Variants in MPP2 observed in about 807,000 individuals in gnomAD.
The protein encoded by MPP2 is MAGUK p55 subfamily member 2.
MPP2 carries 42 observed loss-of-function variants against 58.5 expected under a neutral mutation model. That is an observed-to-expected ratio of 0.72 (90% confidence interval 0.56 to 0.93). The LOEUF (loss-of-function observed/expected upper bound fraction) is 0.93, where lower values mean the gene tolerates loss of function less well. Among genes scored for constraint, MPP2 ranks in the 40% least tolerant of loss-of-function variants. The pLI is 0.00. For missense variants in MPP2, 632 were observed against 760.4 expected (o/e 0.83, Z 1.99); for synonymous variants, 300 against 307.8 (o/e 0.97, Z 0.26).
chr17:43,900,019 G>C (rs1460736758), intron 2 of MPP2, among the ~76,000 whole-genome samples: 2 of 152,230 alleles, frequency 1.3e-5, no homozygotes, highest in African/African-American at 2.4e-5. Context: ...GCTCTTGTCA[G>C]TGCCCCCCTC....
chr17:43,880,591 GC>G lies in MPP2; in HGVS notation c.1150+99del, dbSNP rs2047064298. On this transcript the variant is annotated intron_variant, in intron 10 of 12. Coordinates refer to ENST00000269095, the MANE Select transcript of MPP2 (RefSeq NM_005374.5). This position sits in a 1 kb window ranked among gnomAD's most constrained non-coding sequence, Gnocchi z 5.2. ...CCCGTGTACCCAAAGGTACCACCTG[GC>G]CTGGTGCCCATGAAGATGCCCATTC... 3 of 1,380,132 alleles carry G rather than the reference GC, an allele frequency of 2.2e-6. No homozygotes were observed. In the African/African-American group the frequency reaches 4.3e-5, roughly 20 times the overall value. 85.5% of individuals were successfully genotyped at this position (1,380,132 alleles called of 1,614,324 possible). A position where few individuals can be genotyped will look rare whatever the true frequency, so the allele number is the denominator to read the frequency against.
At chr17:43,881,043 C>G (rs369615449) in intron 9 of MPP2, 47 bp downstream of exon 9, 1 of 1,600,094 alleles carries the variant, frequency 6.2e-7, no homozygotes, top group African/African-American at 1.3e-5. Flanking sequence ...CAGGGAAAGG[C>G]ATGCCATGTT....
intron 6 of MPP2, among the ~76,000 whole-genome samples, 154 bp from the exon 7 acceptor site, chr17:43,881,743 C>A (rs1286317200): frequency 6.6e-6 from 1 of 152,184 alleles, no homozygotes; most frequent in Admixed American, 6.5e-5. Flanking sequence ...ATGCTCCTCC[C>A]TGGTGCCAAC....
Position 43,879,324 on chromosome 17 carries a change from G to T in MPP2, c.1433C>A (p.Ala478Asp), listed in dbSNP as rs753912771. Residue 478 changes from alanine to aspartate, a missense_variant, in exon 12 of 13, where the codon GCC becomes GAC. Transcript: ENST00000269095. The surrounding 1 kb of genome is among the most constrained non-coding windows in gnomAD (Gnocchi z 4.1). ...ACTCTCCAGCGCAGCCCTGTTCATG[G>T]CCCGCAGGGTCTCGAAGTCTGGGGC... ...IEAPDFETLR[A>D]MNRAALESGI... is the part of the protein sequence containing the mutation. 6.2e-6 allele frequency: 10 copies of T among 1,614,158 alleles called. No homozygotes were observed. Among genetic ancestry groups the T allele is most frequent in the Non-Finnish European group, 8.5e-6 (10 of 1,180,010 alleles).
rs571726206 is a variant in MPP2 at position 43,877,791 on chromosome 17, G to A, written c.*16C>T. On this transcript the variant is annotated 3_prime_UTR_variant, in exon 13 of 13. Transcript: ENST00000269095. ...GGGTTTCAACACAGAGTGAGCCAAA[G>A]ACCAGGTGAACAGGCTCAGTACACC... is the stretch of plus-strand genomic sequence containing the variant. The A allele has an allele frequency of 6.2e-7, 1 of 1,607,356 alleles. No homozygotes were observed. Among genetic ancestry groups the A allele is most frequent in the East Asian group, 2.2e-5 (1 of 44,772 alleles).
rs566193903 is a variant in MPP2 at position 43,904,620 on chromosome 17, T to C, written c.-33-127A>G. 435 of 688,780 alleles carry C rather than the reference T, an allele frequency of 6.3e-4. 1 individual carries two copies. In the African/African-American group the frequency reaches 7.4e-3, roughly 12 times the overall value. The allele number at this position is 688,780 out of a possible 1,614,324, so 42.7% of individuals were successfully genotyped here. A position where few individuals can be genotyped will look rare whatever the true frequency, so the allele number is the denominator to read the frequency against. Reference sequence around the variant, plus strand: ...GAAGGTGCTGCCCAGAAAGTGGGGGTTGGAGAACAACAATGATTCCAACGG... The same window carrying C: ...GAAGGTGCTGCCCAGAAAGTGGGGGCTGGAGAACAACAATGATTCCAACGG... On this transcript the variant is annotated intron_variant, in intron 1 of 12. Coordinates refer to ENST00000269095, the MANE Select transcript of MPP2 (RefSeq NM_005374.5).
In MPP2 at chr17:43,877,756, T is replaced by C. The variant is rs2046907141; in HGVS notation, c.*51A>G. 9 of 1,511,850 alleles carry C rather than the reference T, an allele frequency of 6.0e-6. No individual in the cohort carries two copies. The highest frequency in any genetic ancestry group is 8.2e-6 in the Non-Finnish European group (9 of 1,094,800). The allele number at this position is 1,511,850 out of a possible 1,614,324, so 93.7% of individuals were successfully genotyped here. A position where few individuals can be genotyped will look rare whatever the true frequency, so the allele number is the denominator to read the frequency against. On this transcript the variant is annotated 3_prime_UTR_variant, in exon 13 of 13. Transcript: ENST00000269095. ...GGTCACAGGTCAGGAGGGGGATGGA[T>C]TCAGGTTCTGGGTTTCAACACAGAG...
chr17:43,906,946 T>TGGCTCCCGA lies in MPP2; in HGVS notation c.-34+519_-34+527dup, dbSNP rs574464668. ...CTCCCAAGTCTCCAGACCCTAACCC[T>TGGCTCCCGA]GGCTCCCGACCCGCCCCGCTACAGC... On this transcript the variant is annotated intron_variant, in intron 1 of 12. Transcript: ENST00000269095. Among the ~76,000 whole-genome samples, 332 of 145,686 alleles carry TGGCTCCCGA rather than the reference T, an allele frequency of 2.3e-3. 1 individual carries two copies. The highest frequency in any genetic ancestry group is 7.8e-3 in the African/African-American group (308 of 39,352).
intron 2 of MPP2, among the ~76,000 whole-genome samples, chr17:43,899,632 T>C (rs1480937901): frequency 6.6e-6 from 1 of 152,152 alleles, no homozygotes; most frequent in Admixed American, 6.5e-5. Flanking sequence ...CCTGGAACGC[T>C]GGCAGGAGCT....
intron 6 of MPP2, 125 bp downstream of exon 6, chr17:43,882,159 G>A: frequency 5.5e-6 from 5 of 910,022 alleles, no homozygotes; most frequent in Non-Finnish European, 8.4e-6. Context: ...CCCCTGGGCT[G>A]CAGGTCCCAC....
At position 43,883,361 on chromosome 17, in the gene MPP2, G is replaced by A; in HGVS notation, c.151-6C>T. ...TCCTCCAGCCTCTCATGGGCCTGGG[G>A]GTGGAAGCAGAACAGGTGGGGCTAG... On this transcript the variant is annotated splice_polypyrimidine_tract_variant and splice_region_variant and intron_variant, in intron 3 of 12. Coordinates refer to ENST00000269095, the MANE Select transcript of MPP2 (RefSeq NM_005374.5). The A allele has an allele frequency of 1.9e-6, 3 of 1,609,524 alleles. No homozygotes were observed. The highest frequency in any genetic ancestry group is 1.7e-6 in the Non-Finnish European group (2 of 1,179,648).
intron 1 of MPP2, chr17:43,905,622 A>G (rs1479590536): frequency 6.6e-6 from 1 of 152,326 alleles, no homozygotes; most frequent in Admixed American, 6.5e-5. Context: ...AGTTGCCATG[A>G]CAACAGGAGG....
intron 2 of MPP2, among the ~76,000 whole-genome samples, chr17:43,899,548 G>A (rs1012748619): frequency 1.3e-5 from 2 of 152,168 alleles, no homozygotes; most frequent in African/African-American, 4.8e-5. Context: ...ATGTTTACAG[G>A]CCTTCAGCTC....
At chr17:43,900,576 C>G (rs1237250036) in intron 2 of MPP2, 1 of 1,533,848 alleles carries the variant, frequency 6.5e-7, no homozygotes, top group Non-Finnish European at 8.8e-7. Flanking sequence ...CCCGGGGACT[C>G]CCGGAGCGTC....
chr17:43,900,167 C>T (rs1468087018), intron 2 of MPP2, among the ~76,000 whole-genome samples: 2 of 152,208 alleles, frequency 1.3e-5, no homozygotes, highest in Non-Finnish European at 2.9e-5. Flanking sequence ...CAAGCTTGCC[C>T]TTCAGACCCC....
At chr17:43,900,629 G>C (rs1048342215) in intron 2 of MPP2, 2 of 1,455,558 alleles carry the variant, frequency 1.4e-6, no homozygotes, top group African/African-American at 1.4e-5. Context: ...AAGCCTGGCC[G>C]GGCTGGGGAA....
At chr17:43,904,606 C>T in intron 1 of MPP2, 113 bp from the exon 2 acceptor site, 1 of 825,118 alleles carries the variant, frequency 1.2e-6, no homozygotes. Context: ...AAGGTGCTGC[C>T]CAGAAAGTGG....
chr17:43,903,874 G>A (rs1043178589), intron 2 of MPP2, among the ~76,000 whole-genome samples: 2 of 152,160 alleles, frequency 1.3e-5, no homozygotes, highest in Non-Finnish European at 2.9e-5. Flanking sequence ...TTGTCTGAGT[G>A]GCCCACTCCC....
In MPP2 at chr17:43,876,496, G is replaced by A. The variant is rs897884266; in HGVS notation, c.*1311C>T. 1.3e-5 allele frequency: 2 copies of A among 152,254 alleles called. No homozygotes were observed. The highest frequency in any genetic ancestry group is 2.1e-4 in the South Asian group (1 of 4,830). 9.4% of individuals were successfully genotyped at this position (152,254 alleles called of 1,614,324 possible). On this transcript the variant is annotated 3_prime_UTR_variant, in exon 13 of 13. Transcript: ENST00000269095. ...GTAGGGGGACAATAAGACAAGGGAGGAGACATCAGGAAAGGACCAGGGCTT... is the reference window on the plus strand; with the variant it reads ...GTAGGGGGACAATAAGACAAGGGAGAAGACATCAGGAAAGGACCAGGGCTT...
Sources: gnomAD v4.1 joint callset for allele counts (sites outside exome capture counted in the v4.1 genomes callset) on GRCh38, gnomAD v4.1.1 for gene constraint, Gnocchi (gnomAD v3.1) non-coding constraint, MANE v1.5 for transcripts, NCBI Gene and HGNC (gene_info 2026-07-23, HGNC 2026-07-21) for gene names.